DPYSL3: variants seen among roughly 807,000 people sequenced by gnomAD.
The protein encoded by DPYSL3 is dihydropyrimidinase like 3, also known as dihydropyrimidinase-related protein 3.
A neutral mutation model predicts 66.1 loss-of-function variants in DPYSL3; 16 were observed. The observed-to-expected ratio is 0.24, with a 90% confidence interval of 0.16 to 0.37. The LOEUF is 0.37. Among genes scored for constraint, DPYSL3 ranks in the 10% least tolerant of loss-of-function variants. The probability of loss-of-function intolerance (pLI) is 1.00; values close to 1 mark genes in which losing one functional copy is unlikely to be tolerated. For missense variants in DPYSL3, 738 were observed against 916.2 expected (o/e 0.81, Z 2.51); for synonymous variants, 338 against 345.1 (o/e 0.98, Z 0.23).
chr5:147,507,208 G>A (rs1311955944), intron 1 of DPYSL3, among the ~76,000 whole-genome samples: 1 of 152,072 alleles, frequency 6.6e-6, no homozygotes, highest in Non-Finnish European at 1.5e-5. Flanking sequence ...AGCCTTTTCT[G>A]ACAGATACAA....
intron 1 of DPYSL3, chr5:147,453,538 C>G: frequency 1.3e-6 from 2 of 1,531,192 alleles, no homozygotes; most frequent in Non-Finnish European, 8.8e-7. Context: ...AGCAGCGGCG[C>G]CCGGACTCAC....
At chr5:147,424,072 C>T (rs1248160177) in intron 2 of DPYSL3, among the ~76,000 whole-genome samples, 1 of 152,138 alleles carries the variant, frequency 6.6e-6, no homozygotes, top group African/African-American at 2.4e-5. Context: ...CTAGCCTAGA[C>T]TTGGGGGCTG....
chr5:147,464,330 C>T (rs763105570), intron 1 of DPYSL3, among the ~76,000 whole-genome samples: 1 of 152,170 alleles, frequency 6.6e-6, no homozygotes, highest in Non-Finnish European at 1.5e-5. Flanking sequence ...GGACCCAACT[C>T]GAAATACACG....
At chr5:147,471,085 A>C (rs1012057629) in intron 1 of DPYSL3, among the ~76,000 whole-genome samples, 1 of 152,156 alleles carries the variant, frequency 6.6e-6, no homozygotes. Context: ...ACATATAAAC[A>C]TGCATATATG....
At chr5:147,480,871 T>C (rs1012748090) in intron 1 of DPYSL3, among the ~76,000 whole-genome samples, 3 of 151,814 alleles carry the variant, frequency 2.0e-5, no homozygotes, top group Admixed American at 6.6e-5. Context: ...TACAGGCATG[T>C]GCCACTACGC....
At chr5:147,507,381 C>T (rs1291076539) in intron 1 of DPYSL3, among the ~76,000 whole-genome samples, 3 of 150,322 alleles carry the variant, frequency 2.0e-5, no homozygotes, top group Admixed American at 2.0e-4. Context: ...CAAAAAGTTG[C>T]TTCATGAGGT....
At chr5:147,396,865 GTATATATA>G (rs10561140) in intron 12 of DPYSL3, among the ~76,000 whole-genome samples, 4 of 144,632 alleles carry the variant, frequency 2.8e-5, no homozygotes, top group African/African-American at 7.5e-5. Flanking sequence ...GTATATGTGT[GTATATATA>G]TATATATATA....
chr5:147,492,306 A>G lies in DPYSL3; in HGVS notation c.381+17172T>C, dbSNP rs573388559. On this transcript the variant is annotated intron_variant, in intron 1 of 13. Coordinates refer to ENST00000343218, the MANE Select transcript of DPYSL3 (RefSeq NM_001197294.2). Reference sequence around the variant, plus strand: ...AAGTTCTTCAGAGAAAAGGAAAATGATATAGGTCAGAAACTTGGATCTACA... The same window carrying G: ...AAGTTCTTCAGAGAAAAGGAAAATGGTATAGGTCAGAAACTTGGATCTACA... 2.0e-5 allele frequency among the ~76,000 whole-genome samples: 3 copies of G among 152,294 alleles called. No homozygotes were observed. The South Asian group carries it at 6.2e-4, about 32-fold the overall frequency.
At chr5:147,428,638 A>C (rs1472386106) in intron 1 of DPYSL3, among the ~76,000 whole-genome samples, 1 of 152,188 alleles carries the variant, frequency 6.6e-6, no homozygotes, top group Non-Finnish European at 1.5e-5. Flanking sequence ...GAACAAACCC[A>C]ACATCTCTGA....
intron 1 of DPYSL3, among the ~76,000 whole-genome samples, chr5:147,427,671 A>G (rs1471861683): frequency 6.6e-6 from 1 of 152,156 alleles, no homozygotes; most frequent in African/African-American, 2.4e-5. Flanking sequence ...TTATGCAGCC[A>G]TCAGGCAGCC....
chr5:147,445,182 G>A (rs1391593771), intron 1 of DPYSL3, among the ~76,000 whole-genome samples: 1 of 152,176 alleles, frequency 6.6e-6, no homozygotes, highest in Admixed American at 6.5e-5. Flanking sequence ...AACAAGCTCA[G>A]AATGAGCCCA....
chr5:147,503,216 A>G (rs1040382039), intron 1 of DPYSL3, among the ~76,000 whole-genome samples: 5 of 152,178 alleles, frequency 3.3e-5, no homozygotes, highest in Non-Finnish European at 7.4e-5. Context: ...AAGACAAGCC[A>G]CTGGGATAAA....
chr5:147,483,288 T>C (rs111620622), intron 1 of DPYSL3, among the ~76,000 whole-genome samples: 1,593 of 152,288 alleles, frequency 0.01, 26 homozygotes, highest in African/African-American at 0.037. Flanking sequence ...TAATAAGAGG[T>C]ACTTTTAAAA....
In DPYSL3 at chr5:147,507,767, T is replaced by C. The variant is rs112739313; in HGVS notation, c.381+1711A>G. Among the ~76,000 whole-genome samples, 48 of 152,302 alleles carry C rather than the reference T, an allele frequency of 3.2e-4. 1 individual carries two copies. The highest frequency in any genetic ancestry group is 1.1e-3 in the African/African-American group (46 of 41,566). On this transcript the variant is annotated intron_variant, in intron 1 of 13. Coordinates refer to ENST00000343218, the MANE Select transcript of DPYSL3 (RefSeq NM_001197294.2). The stretch of plus-strand genomic sequence containing the variant: ...ATTTCTCAATTAGTAGCCAAAAGTA[T>C]AGGGTTTGCAAAAGGGAGGAAAACG...
Position 147,415,858 on chromosome 5 carries a change from G to A in DPYSL3, c.671C>T (p.Pro224Leu). The change falls in exon 4 of 14, where the codon CCT (proline) becomes CTT (leucine). Residue 224 changes from proline (P) to leucine (L), a missense_variant. Pro to Leu is a moderately conservative substitution (Grantham distance 98). Transcript: ENST00000343218. ...GTTMIIDHVVPEPESSLTEAY... is the reference protein window; with the variant it reads ...GTTMIIDHVVLEPESSLTEAY... ...CTCAGTCAGGCTGGACTCAGGCTCAGGCACCACATGGTCAACTGAATGACA... is the reference window on the plus strand; with the variant it reads ...CTCAGTCAGGCTGGACTCAGGCTCAAGCACCACATGGTCAACTGAATGACA... The A allele has an allele frequency of 6.2e-7, 1 of 1,613,830 alleles. No homozygotes were observed. Among genetic ancestry groups the A allele is most frequent in the Non-Finnish European group, 8.5e-7 (1 of 1,179,890 alleles).
intron 1 of DPYSL3, among the ~76,000 whole-genome samples, chr5:147,497,757 T>C (rs1344433955): frequency 2.0e-5 from 3 of 151,338 alleles, no homozygotes; most frequent in South Asian, 2.1e-4. Flanking sequence ...CTTCCTCAGC[T>C]TGATAAAGAA....
intron 1 of DPYSL3, among the ~76,000 whole-genome samples, chr5:147,507,729 A>G (rs1753702222): frequency 6.6e-6 from 1 of 152,198 alleles, no homozygotes; most frequent in Non-Finnish European, 1.5e-5. Context: ...GCTGATGCCT[A>G]GGTTGTATTA....
intron 1 of DPYSL3, among the ~76,000 whole-genome samples, chr5:147,489,909 A>T (rs546153304): frequency 6.6e-6 from 1 of 152,312 alleles, no homozygotes; most frequent in East Asian, 1.9e-4. Context: ...ATACTAGTGC[A>T]CAACGTAGTA....
At chr5:147,475,917 A>ATT (rs1363026067) in intron 1 of DPYSL3, among the ~76,000 whole-genome samples, 1 of 152,176 alleles carries the variant, frequency 6.6e-6, no homozygotes, top group Non-Finnish European at 1.5e-5. Flanking sequence ...TATTATTATG[A>ATT]TTCTGTTTCT....
Sources: gnomAD v4.1 joint callset for allele counts (sites outside exome capture counted in the v4.1 genomes callset) on GRCh38, gnomAD v4.1.1 for gene constraint, MANE v1.5 for transcripts, NCBI Gene and HGNC (gene_info 2026-07-23, HGNC 2026-07-21) for gene names.